Variants in IL23R observed in about 807,000 individuals in gnomAD.
The protein encoded by IL23R is interleukin-23 receptor.
Under a neutral mutation model 56.9 loss-of-function variants are expected in IL23R, and 34 were observed. The ratio of observed to expected loss-of-function variants is 0.60; its 90% CI spans 0.45 to 0.80. The LOEUF (loss-of-function observed/expected upper bound fraction) is 0.80, where lower values mean the gene tolerates loss of function less well. IL23R is among the 30% of genes least tolerant of loss of function. The probability of loss-of-function intolerance (pLI) is 0.00; values close to 1 mark genes in which losing one functional copy is unlikely to be tolerated. For missense variants in IL23R, 635 were observed against 730.0 expected (o/e 0.87, Z 1.50); for synonymous variants, 230 against 249.2 (o/e 0.92, Z 0.73).
intron 6 of IL23R, 163 bp from the exon 7 acceptor site, chr1:67,219,411 A>C (rs185998791): frequency 4.9e-5 from 32 of 650,242 alleles, no homozygotes; most frequent in African/African-American, 4.9e-4. Context: ...TTTCAGAGAC[A>C]GTATTTGATT....
At chr1:67,232,537 C>G (rs1339566112) in intron 7 of IL23R, among the ~76,000 whole-genome samples, 1 of 152,204 alleles carries the variant, frequency 6.6e-6, no homozygotes, top group East Asian at 1.9e-4. Context: ...ACTCTTCACC[C>G]TCTACCTAGG....
At chr1:67,246,551 G>A (rs760923394) in intron 9 of IL23R, among the ~76,000 whole-genome samples, 2 of 152,052 alleles carry the variant, frequency 1.3e-5, no homozygotes, top group Admixed American at 6.5e-5. Flanking sequence ...CTTTATTTCT[G>A]CCTTCATTTT....
chr1:67,257,667 C>A (rs1305529095), intron 10 of IL23R, among the ~76,000 whole-genome samples: 1 of 152,178 alleles, frequency 6.6e-6, no homozygotes, highest in Non-Finnish European at 1.5e-5. Context: ...CTTATCATCA[C>A]AAACATGTCT....
intron 6 of IL23R, among the ~76,000 whole-genome samples, chr1:67,211,177 T>C (rs1649445590): frequency 6.6e-6 from 1 of 152,238 alleles, no homozygotes; most frequent in African/African-American, 2.4e-5. Context: ...CCTGCTGAAT[T>C]CCTTTTGCAT....
At chr1:67,161,941 G>T (rs1348569750), upstream of IL23R, among the ~76,000 whole-genome samples, 1 of 151,820 alleles carries the variant, frequency 6.6e-6, no homozygotes, top group African/African-American at 2.4e-5. Flanking sequence ...TATTTTTAAA[G>T]CTCTAAATAA....
At chr1:67,234,707 CTTT>C (rs5774860) in intron 7 of IL23R, among the ~76,000 whole-genome samples, 3 of 117,582 alleles carry the variant, frequency 2.6e-5, no homozygotes, top group South Asian at 2.7e-4. Flanking sequence ...TATTTTTACT[CTTT>C]TTTTTTTTTT....
intron 1 of IL23R, among the ~76,000 whole-genome samples, chr1:67,156,310 G>C (rs1646769701): frequency 6.6e-6 from 1 of 152,200 alleles, no homozygotes; most frequent in Non-Finnish European, 1.5e-5. Context: ...CCTCAGCAAA[G>C]CTGGTGCTCT....
At chr1:67,170,510 T>A (rs1646929854) in intron 3 of IL23R, among the ~76,000 whole-genome samples, 1 of 152,190 alleles carries the variant, frequency 6.6e-6, no homozygotes, top group South Asian at 2.1e-4. Context: ...ATTCAATGTG[T>A]GCTCTGAGTG....
intron 9 of IL23R, among the ~76,000 whole-genome samples, chr1:67,244,858 G>T (rs1001757673): frequency 3.3e-5 from 5 of 151,682 alleles, no homozygotes; most frequent in African/African-American, 1.2e-4. Flanking sequence ...GAAAGTCAAT[G>T]GTAGCTTGAT....
At chr1:67,221,967 C>T (rs1055994778) in intron 7 of IL23R, among the ~76,000 whole-genome samples, 6 of 151,666 alleles carry the variant, frequency 4.0e-5, no homozygotes, top group Admixed American at 2.6e-4. Context: ...CCTAGGAGTT[C>T]AAACCCAGCC....
chr1:67,210,110 G>T (rs1413827099), intron 6 of IL23R, among the ~76,000 whole-genome samples: 1 of 152,198 alleles, frequency 6.6e-6, no homozygotes, highest in Non-Finnish European at 1.5e-5. Context: ...TGAGTCTTAG[G>T]TGAGCTTAAA....
chr1:67,224,922 T>G (rs1019817114), intron 7 of IL23R, among the ~76,000 whole-genome samples: 1 of 152,210 alleles, frequency 6.6e-6, no homozygotes, highest in East Asian at 1.9e-4. Flanking sequence ...TCACTGCAGC[T>G]CTATAAAAGG....
downstream of IL23R, among the ~76,000 whole-genome samples, chr1:67,263,746 A>C (rs1653274596): frequency 6.6e-6 from 1 of 152,064 alleles, no homozygotes; most frequent in Non-Finnish European, 1.5e-5. Context: ...CCCAATCTCG[A>C]CTAAAAATAC....
intron 8 of IL23R, among the ~76,000 whole-genome samples, chr1:67,238,261 T>C (rs1651614082): frequency 6.8e-6 from 1 of 147,440 alleles, no homozygotes; most frequent in Non-Finnish European, 1.5e-5. Context: ...GGTGGGAGGA[T>C]CAACTGAGCA....
chr1:67,201,453 T>C (rs1022340247), intron 5 of IL23R, among the ~76,000 whole-genome samples: 2 of 151,664 alleles, frequency 1.3e-5, no homozygotes, highest in African/African-American at 2.4e-5. Flanking sequence ...CAAATATTTA[T>C]TGGAAACTTC....
intron 5 of IL23R, among the ~76,000 whole-genome samples, chr1:67,204,180 C>G (rs1039934016): frequency 3.9e-5 from 6 of 152,178 alleles, no homozygotes; most frequent in African/African-American, 1.4e-4. Flanking sequence ...TCTCCTGCCT[C>G]AGCCTCCCGA....
chr1:67,212,601 A>G (rs1217925809), intron 6 of IL23R, among the ~76,000 whole-genome samples: 1 of 150,074 alleles, frequency 6.7e-6, no homozygotes, highest in Non-Finnish European at 1.5e-5. Flanking sequence ...GCTGGAGCGC[A>G]GTGGCGCAAT....
intron 4 of IL23R, among the ~76,000 whole-genome samples, chr1:67,199,188 A>T (rs1042749104): frequency 3.3e-5 from 5 of 152,204 alleles, no homozygotes; most frequent in Admixed American, 1.3e-4. Flanking sequence ...AGGTCTTCTG[A>T]CAGGCCTGCT....
chr1:67,196,567 A>T (rs1648172739), intron 4 of IL23R, among the ~76,000 whole-genome samples: 1 of 152,136 alleles, frequency 6.6e-6, no homozygotes, highest in Non-Finnish European at 1.5e-5. Flanking sequence ...ATAAGAATGT[A>T]GGCTACTTGG....
Sources: allele counts gnomAD v4.1 joint callset (sites outside exome capture counted in the v4.1 genomes callset), GRCh38; gene constraint gnomAD v4.1.1; transcripts MANE v1.5; gene names NCBI Gene and HGNC (gene_info 2026-07-23, HGNC 2026-07-21).